The following RAI1 variants were observed in gnomAD, a reference collection of about 807,000 sequenced individuals.
The protein encoded by RAI1 is retinoic acid induced 1.
A neutral mutation model predicts 123.8 loss-of-function variants in RAI1; 9 were observed. The observed-to-expected ratio is 0.07, with a 90% CI of 0.04 to 0.13. The LOEUF (loss-of-function observed/expected upper bound fraction) is 0.13. Ranked by LOEUF, RAI1 falls within the 10% of genes least tolerant of loss-of-function variation. The pLI is 1.00. For missense variants in RAI1, 2,256 were observed against 2,545.8 expected, an observed-to-expected ratio of 0.89 and a Z score of 2.45; for synonymous variants, 1,231 against 1,127.3, an observed-to-expected ratio of 1.09 and a Z score of -1.84.
chr17:17,718,582 G>A (rs1417328400), intron 1 of RAI1, among the ~76,000 whole-genome samples: 2 of 152,152 alleles, frequency 1.3e-5, no homozygotes, highest in Non-Finnish European at 2.9e-5. Context: ...CCTGAACAAC[G>A]CCTGGAACAT....
chr17:17,741,351 T>G (rs1916630270), intron 2 of RAI1, among the ~76,000 whole-genome samples: 1 of 152,268 alleles, frequency 6.6e-6, no homozygotes, highest in East Asian at 1.9e-4. Flanking sequence ...CAGGGCGGGC[T>G]CGGCCACCTT....
chr17:17,798,604 A>C, intron 3 of RAI1, 91 bp downstream of exon 3: 2 of 1,552,902 alleles, frequency 1.3e-6, no homozygotes, highest in Non-Finnish European at 1.7e-6. Context: ...CTAGTGCTAC[A>C]GTGTGGGCCA....
Position 17,809,540 on chromosome 17 carries a change from G to GC in RAI1, c.5709+105dup. The GC allele has an allele frequency of 7.8e-7, 1 of 1,283,168 alleles. No individual in the cohort carries two copies. The highest frequency in any genetic ancestry group is 1.2e-5 in the South Asian group (1 of 84,140). 79.5% of individuals were successfully genotyped at this position (1,283,168 alleles called of 1,614,324 possible). A position where few individuals can be genotyped will look rare whatever the true frequency, so the allele number is the denominator to read the frequency against. ...TCCCCTGGGCCCCCTTGGCTGCGCA[G>GC]CCCCGCAGGGCCCAGCCCTAGGGGA... On this transcript the variant is annotated intron_variant, in intron 5 of 5. Coordinates refer to ENST00000353383, the MANE Select transcript of RAI1 (RefSeq NM_030665.4). The surrounding 1 kb of genome is among the most constrained non-coding windows in gnomAD (Gnocchi z 4.9).
intron 1 of RAI1, among the ~76,000 whole-genome samples, chr17:17,717,123 A>C (rs1487587903): frequency 6.6e-6 from 1 of 152,158 alleles, no homozygotes; most frequent in Admixed American, 6.5e-5. Context: ...CAGGGTCAAG[A>C]GTCAGAATGT....
intron 1 of RAI1, chr17:17,684,575 TAGTAAA>T (rs1460274705): frequency 1.3e-5 from 2 of 151,548 alleles, no homozygotes; most frequent in African/African-American, 4.8e-5. Context: ...GAAATATATG[TAGTAAA>T]AGTAAAAGTT....
At chr17:17,745,997 G>A (rs566784508) in intron 2 of RAI1, among the ~76,000 whole-genome samples, 5 of 152,310 alleles carry the variant, frequency 3.3e-5, no homozygotes, top group East Asian at 1.9e-4. Flanking sequence ...CCACATGAGC[G>A]TTGTGGAGTT....
At position 17,693,668 on chromosome 17, in the gene RAI1, G is replaced by A. The variant is rs924532919; in HGVS notation, c.-149+11875G>A. 3.3e-5 allele frequency among the ~76,000 whole-genome samples: 5 copies of A among 152,258 alleles called. No individual in the cohort carries two copies. In the East Asian group the frequency reaches 9.6e-4, roughly 29 times the overall value. On this transcript the variant is annotated intron_variant, in intron 1 of 5. Transcript: ENST00000353383. Reference sequence around the variant, plus strand: ...GGCAGCTTGGAGAGGAAGCCAGGCGGCAGGTAGCTGAGAAAGACATCGGAT... The same window carrying A: ...GGCAGCTTGGAGAGGAAGCCAGGCGACAGGTAGCTGAGAAAGACATCGGAT...
Position 17,803,820 on chromosome 17 carries a change from C to G in RAI1, c.5630C>G (p.Thr1877Ser). The G allele has an allele frequency of 1.9e-6, 3 of 1,613,558 alleles. No individual in the cohort carries two copies. Among genetic ancestry groups the G allele is most frequent in the African/African-American group, 1.3e-5 (1 of 75,074 alleles). ...TGCTGCCACAAAGGATGCCTCCACACCTACCACTACCCGTGTGCCAGCGAT... is the reference window on the plus strand; with the variant it reads ...TGCTGCCACAAAGGATGCCTCCACAGCTACCACTACCCGTGTGCCAGCGAT... ...IGCCHKGCLHTYHYPCASDAG... is the reference protein window; with the variant it reads ...IGCCHKGCLHSYHYPCASDAG... The change falls in exon 4 of 6, where the codon ACC becomes AGC. Residue 1877 changes from threonine to serine, a missense_variant. By Grantham distance (58) the Thr-to-Ser change is moderately conservative. Around this residue, in one of 7 missense-constraint regions of RAI1, gnomAD observed 243 missense variants for 316.6 expected, o/e 0.77. Transcript: ENST00000353383.
intron 2 of RAI1, among the ~76,000 whole-genome samples, chr17:17,756,677 T>G: frequency 6.6e-6 from 1 of 152,190 alleles, no homozygotes; most frequent in East Asian, 1.9e-4. Context: ...TACTACGTGC[T>G]AATCTGTCCC....
chr17:17,811,224 CGTT>C lies in RAI1; in HGVS notation c.*1244_*1246del, dbSNP rs896473579. The stretch of plus-strand genomic sequence containing the variant: ...TAAACGTGTGTATTATATCTGGCCT[CGTT>C]ATATAGTGTATATATATGTATACAT... On this transcript the variant is annotated 3_prime_UTR_variant, in exon 6 of 6. Transcript: ENST00000353383. 5 of 326,078 alleles carry C rather than the reference CGTT, an allele frequency of 1.5e-5. No individual in the cohort carries two copies. Among genetic ancestry groups the C allele is most frequent in the Admixed American group, 8.1e-5 (2 of 24,682 alleles). The allele number at this position is 326,078 out of a possible 1,614,324, so 20.2% of individuals were successfully genotyped here.
intron 1 of RAI1, among the ~76,000 whole-genome samples, chr17:17,700,937 G>C (rs1915201993): frequency 6.6e-6 from 1 of 152,210 alleles, no homozygotes; most frequent in Non-Finnish European, 1.5e-5. Flanking sequence ...TGCACATTAC[G>C]TGCCAGGCGC....
chr17:17,733,712 C>T (rs1407678934), intron 2 of RAI1, among the ~76,000 whole-genome samples: 2 of 152,214 alleles, frequency 1.3e-5, no homozygotes, highest in Non-Finnish European at 2.9e-5. Context: ...GCTTCTTTCT[C>T]TGGCACATTT....
At chr17:17,769,190 C>T (rs2031051113) in intron 2 of RAI1, among the ~76,000 whole-genome samples, 1 of 152,252 alleles carries the variant, frequency 6.6e-6, no homozygotes, top group Non-Finnish European at 1.5e-5. Flanking sequence ...CTGGCGTGGT[C>T]TCCTCACAGA....
At position 17,796,078 on chromosome 17, in the gene RAI1, C is replaced by T. The variant is rs1449582834; in HGVS notation, c.3130C>T (p.Pro1044Ser). The change falls in exon 3 of 6, where the codon CCA (proline) becomes TCA (serine). Residue 1044 changes from proline to serine, a missense_variant. Pro to Ser is a moderately conservative substitution (Grantham distance 74, BLOSUM62 -1). This residue lies in a region of RAI1 where 566 missense variants were observed against 616.0 expected (regional missense o/e 0.92). Transcript: ENST00000353383. This position sits in a 1 kb window ranked among gnomAD's most constrained non-coding sequence, Gnocchi z 5.8. ...GGGACAGATGGAAGGGGCTGGAGCCCCAGGCCGGGGGGCCTCGGAAGGGCT... is the reference window on the plus strand; with the variant it reads ...GGGACAGATGGAAGGGGCTGGAGCCTCAGGCCGGGGGGCCTCGGAAGGGCT... ...PQGQMEGAGAPGRGASEGLPR... is the reference protein window; with the variant it reads ...PQGQMEGAGASGRGASEGLPR... The T allele has an allele frequency of 1.9e-6, 3 of 1,581,240 alleles. No individual in the cohort carries two copies. The highest frequency in any genetic ancestry group is 2.3e-5 in the South Asian group (2 of 87,290).
intron 1 of RAI1, among the ~76,000 whole-genome samples, chr17:17,682,111 A>G (rs1258020908): frequency 7.3e-6 from 1 of 136,678 alleles, no homozygotes; most frequent in East Asian, 2.2e-4. Context: ...GTGGCAAGGG[A>G]TCTGCTTGCG....
chr17:17,693,861 G>A (rs771843074), intron 1 of RAI1, among the ~76,000 whole-genome samples: 2 of 152,166 alleles, frequency 1.3e-5, no homozygotes, highest in South Asian at 4.1e-4. Flanking sequence ...CGGGCTGGGC[G>A]GCCGGGAAGT....
intron 2 of RAI1, chr17:17,777,589 A>G (rs1235601514): frequency 2.3e-5 from 2 of 88,270 alleles, no homozygotes; most frequent in African/African-American, 4.8e-5. Context: ...CTTGTACCCC[A>G]TGACTGCAGT....
chr17:17,727,448 C>G (rs2001421), intron 2 of RAI1, among the ~76,000 whole-genome samples: 90,998 of 152,082 alleles, frequency 0.6, 27,927 homozygotes, highest in African/African-American at 0.71. Context: ...ACTGAGACCC[C>G]AAGCTTACCC....
At chr17:17,710,417 G>T (rs1915530974) in intron 1 of RAI1, among the ~76,000 whole-genome samples, 1 of 152,216 alleles carries the variant, frequency 6.6e-6, no homozygotes, top group Admixed American at 6.5e-5. Context: ...ATGAGGAGGG[G>T]TTTTTGCTCC....
Sources: allele counts gnomAD v4.1 joint callset (sites outside exome capture counted in the v4.1 genomes callset), GRCh38; gene constraint gnomAD v4.1.1; regional missense constraint gnomAD v4.1.1; non-coding constraint Gnocchi (gnomAD v3.1); transcripts MANE v1.5; gene names NCBI Gene and HGNC (gene_info 2026-07-23, HGNC 2026-07-21).